SPMIP2: variants seen among roughly 807,000 people sequenced by gnomAD.
SPMIP2 encodes the protein protein SPMIP2.
the SPMIP2 span, among the ~76,000 whole-genome samples, chr4:159,051,449 C>T: frequency 0.17 from 26,530 of 152,100 alleles, 2,689 homozygotes; most frequent in African/African-American, 0.28. Context: ...CCTGGTACTT[C>T]GTACACAATA....
chr4:158,965,872 C>G, the SPMIP2 span, among the ~76,000 whole-genome samples: 3 of 152,114 alleles, frequency 2.0e-5, no homozygotes, highest in Non-Finnish European at 2.9e-5. Context: ...ACATGCTAAG[C>G]ACTAGGAGAT....
At chr4:158,916,126 TTCAC>T in the SPMIP2 span, among the ~76,000 whole-genome samples, 1 of 152,188 alleles carries the variant, frequency 6.6e-6, no homozygotes, top group South Asian at 2.1e-4. Context: ...TGCATCGCCC[TTCAC>T]TCACTCAAGA....
the SPMIP2 span, chr4:158,905,854 T>A: frequency 2.6e-5 from 4 of 152,204 alleles, no homozygotes; most frequent in African/African-American, 9.6e-5. Context: ...CAAAACATCT[T>A]TAGCACTTTG....
the SPMIP2 span, among the ~76,000 whole-genome samples, chr4:158,915,678 G>A: frequency 6.6e-6 from 1 of 152,142 alleles, no homozygotes; most frequent in Non-Finnish European, 1.5e-5. Context: ...TAACACTGAG[G>A]CTTCATGAGA....
chr4:159,004,861 T>C, the SPMIP2 span, among the ~76,000 whole-genome samples: 2 of 152,118 alleles, frequency 1.3e-5, no homozygotes, highest in African/African-American at 4.8e-5. Context: ...AGAGTGGTTT[T>C]GTTTGTTTGT....
At chr4:159,025,294 A>T in the SPMIP2 span, among the ~76,000 whole-genome samples, 1 of 152,120 alleles carries the variant, frequency 6.6e-6, no homozygotes, top group African/African-American at 2.4e-5. Context: ...CCTTCCAAGT[A>T]GCTGGGATTA....
the SPMIP2 span, among the ~76,000 whole-genome samples, chr4:158,997,380 G>A: frequency 6.6e-6 from 1 of 151,998 alleles, no homozygotes; most frequent in Non-Finnish European, 1.5e-5. Context: ...ACAGGCATGC[G>A]CCACCACACC....
the SPMIP2 span, among the ~76,000 whole-genome samples, chr4:158,940,058 AG>A: frequency 7.2e-5 from 11 of 152,178 alleles, no homozygotes; most frequent in Admixed American, 7.2e-4. Flanking sequence ...TATCACAGAC[AG>A]GGTGGCTTAA....
At chr4:158,903,669 T>C in the SPMIP2 span, among the ~76,000 whole-genome samples, 1 of 152,198 alleles carries the variant, frequency 6.6e-6, no homozygotes, top group East Asian at 1.9e-4. Context: ...CTGTGCACTC[T>C]GAAATCAGAT....
the SPMIP2 span, among the ~76,000 whole-genome samples, chr4:158,939,624 G>T: frequency 6.6e-6 from 1 of 151,968 alleles, no homozygotes; most frequent in South Asian, 2.1e-4. Context: ...TAATTCATAG[G>T]TTCTCTCTCA....
chr4:158,908,772 C>T, the SPMIP2 span, among the ~76,000 whole-genome samples: 88 of 152,258 alleles, frequency 5.8e-4, no homozygotes, highest in Non-Finnish European at 9.1e-4. Context: ...CTGCAACCTC[C>T]GCCTCCTGGG....
chr4:159,028,836 C>T, the SPMIP2 span, among the ~76,000 whole-genome samples: 1 of 152,098 alleles, frequency 6.6e-6, no homozygotes, highest in Non-Finnish European at 1.5e-5. Context: ...TGGCTCACAC[C>T]TGTAACCCAG....
chr4:159,032,276 T>C, the SPMIP2 span, among the ~76,000 whole-genome samples: 1 of 152,194 alleles, frequency 6.6e-6, no homozygotes. Flanking sequence ...TATATACAAT[T>C]CTCTAAAGCT....
the SPMIP2 span, among the ~76,000 whole-genome samples, chr4:159,073,160 G>C: frequency 0.015 from 2,305 of 151,798 alleles, 22 homozygotes; most frequent in Non-Finnish European, 0.023. Flanking sequence ...TTTTCTTTTT[G>C]TTTTTGTTTT....
chr4:158,933,819 C>T, the SPMIP2 span, among the ~76,000 whole-genome samples: 3 of 152,264 alleles, frequency 2.0e-5, no homozygotes, highest in African/African-American at 7.2e-5. Context: ...CACTGCCACT[C>T]ACCTCCAGGC....
the SPMIP2 span, among the ~76,000 whole-genome samples, chr4:159,011,646 G>C: frequency 6.6e-6 from 1 of 151,904 alleles, no homozygotes; most frequent in Non-Finnish European, 1.5e-5. Context: ...CCCAGCTACA[G>C]GGGAGGCTGA....
the SPMIP2 span, chr4:158,960,198 T>C: frequency 1.3e-6 from 1 of 780,910 alleles, no homozygotes; most frequent in Admixed American, 3.0e-5. Context: ...AAAGTGTTAA[T>C]ATACTTAAAA....
At chr4:158,950,574 T>C in the SPMIP2 span, among the ~76,000 whole-genome samples, 1 of 152,096 alleles carries the variant, frequency 6.6e-6, no homozygotes, top group African/African-American at 2.4e-5. Flanking sequence ...GGAAGACCAA[T>C]CGGCAATGGA....
chr4:159,027,933 T>C, the SPMIP2 span, among the ~76,000 whole-genome samples: 1 of 152,254 alleles, frequency 6.6e-6, no homozygotes, highest in Non-Finnish European at 1.5e-5. Flanking sequence ...AATTTCATGC[T>C]GTGATCACTC....
Sources: gnomAD v4.1 joint callset for allele counts (sites outside exome capture counted in the v4.1 genomes callset) on GRCh38, gnomAD v4.1.1 for gene constraint, MANE v1.5 for transcripts, NCBI Gene and HGNC (gene_info 2026-07-23, HGNC 2026-07-21) for gene names.